VPS13D: variants seen among roughly 807,000 people sequenced by gnomAD.
VPS13D encodes vacuolar protein sorting 13 homolog D, also known as intermembrane lipid transfer protein VPS13D.
In VPS13D, 187 loss-of-function variants were observed where a neutral mutation model predicts 461.9. That is an observed-to-expected ratio of 0.40 (90% CI 0.36 to 0.46). The LOEUF (loss-of-function observed/expected upper bound fraction) is 0.46. Ranked by LOEUF, VPS13D falls within the 20% of genes least tolerant of loss-of-function variation. The probability of loss-of-function intolerance (pLI) is 0.60; values close to 1 mark genes in which losing one functional copy is unlikely to be tolerated. For missense variants in VPS13D, 4,711 were observed against 5,364.9 expected (o/e 0.88, Z 3.81); for synonymous variants, 1,951 against 1,986.3 (o/e 0.98, Z 0.47).
chr1:12,268,767 C>CT lies in VPS13D; in HGVS notation c.1866dup (p.Glu623Ter). 6.2e-7 allele frequency: 1 copy of CT among 1,614,120 alleles called. No homozygotes were observed. Among genetic ancestry groups the CT allele is most frequent in the South Asian group, 1.1e-5 (1 of 91,072 alleles). ...ATGAGAGAAATCCGGCGCACAGCCACTTTGAGAGGCGGCTCAATGTCAGCA... is the reference window on the plus strand; with the variant it reads ...ATGAGAGAAATCCGGCGCACAGCCACTTTTGAGAGGCGGCTCAATGTCAGCA... On this transcript the variant is annotated frameshift_variant, in exon 16 of 70. Coordinates refer to ENST00000620676, the MANE Select transcript of VPS13D (RefSeq NM_015378.4). LOFTEE classifies it high-confidence loss of function.
chr1:12,285,929 CTTCCTTTCCTTTCCTTTCCTTTCCT>C (rs57335089), intron 21 of VPS13D, among the ~76,000 whole-genome samples: 1,132 of 104,252 alleles, frequency 0.011, 25 homozygotes, highest in African/African-American at 0.041. Context: ...GAATTTCTTT[CTTCCTTTCCTTTCCTTTCCTTTCCT>C]TTCCTTTCCT....
In VPS13D at chr1:12,467,787, G is replaced by A. The variant is rs180875545; in HGVS notation, c.12662+7391G>A. Among the ~76,000 whole-genome samples the A allele has an allele frequency of 1.7e-4, 26 of 152,208 alleles. No homozygotes were observed. The East Asian group carries it at 5.0e-3, about 29-fold the overall frequency. On this transcript the variant is annotated intron_variant, in intron 67 of 69. Coordinates refer to ENST00000620676, the MANE Select transcript of VPS13D (RefSeq NM_015378.4). ...CATTTTTATGCAAGATTATCTGTTAGGAAAAAACCCACTTTTTTGGTCATG... is the reference window on the plus strand; with the variant it reads ...CATTTTTATGCAAGATTATCTGTTAAGAAAAAACCCACTTTTTTGGTCATG...
At position 12,262,070 on chromosome 1, in the gene VPS13D, C is replaced by G; in HGVS notation, c.1584C>G (p.Leu528=). 1.2e-6 allele frequency: 2 copies of G among 1,609,604 alleles called. No homozygotes were observed. The highest frequency in any genetic ancestry group is 1.7e-6 in the Non-Finnish European group (2 of 1,176,640). ...PQMNESAFMQ[L]EFSDVKLLAE... ...TGAATGAAAGTGCTTTCATGCAGCT[C>G]GAGTTTTCAGGTACACTGCCCCCAA... is the stretch of plus-strand genomic sequence containing the variant. Residue 528 remains leucine, a synonymous_variant, in exon 13 of 70, where the codon CTC becomes CTG. Coordinates refer to ENST00000620676, the MANE Select transcript of VPS13D (RefSeq NM_015378.4).
intron 65 of VPS13D, among the ~76,000 whole-genome samples, chr1:12,431,131 T>C (rs1473983220): frequency 6.6e-6 from 1 of 152,256 alleles, no homozygotes; most frequent in Non-Finnish European, 1.5e-5. Context: ...GTTTTAATAA[T>C]ATTTCATATG....
Position 12,497,462 on chromosome 1 carries a change from ACTTAAC to A in VPS13D, c.12663-35_12663-30del, listed in dbSNP as rs1233045673. 1.9e-6 allele frequency: 3 copies of A among 1,593,404 alleles called. No homozygotes were observed. The African/African-American group carries it at 4.1e-5, about 22-fold the overall frequency. On this transcript the variant is annotated intron_variant, in intron 67 of 69. Transcript: ENST00000620676. ...AAAGGAAAATCATTTTAACCTGCAC[ACTTAAC>A]CTCTTGGCTTTATGTCCATTTACCC...
Position 12,273,086 on chromosome 1 carries a change from T to C in VPS13D, c.2187T>C (p.Pro729=), listed in dbSNP as rs1270595654. ...CTGATGATTTCAAATTCAAGAATCC[T>C]GTGTTAGTTGTCGTGGATCTAGGAA... ...IFPDDFKFKN[P]VLVVVDLGRM... Residue 729 remains proline, a synonymous_variant, in exon 18 of 70, where the codon CCT becomes CCC. Transcript: ENST00000620676. The C allele has an allele frequency of 2.5e-6, 4 of 1,614,168 alleles. No homozygotes were observed. The highest frequency in any genetic ancestry group is 2.5e-6 in the Non-Finnish European group (3 of 1,179,998).
chr1:12,401,738 A>G (rs1644584219), intron 62 of VPS13D, 34 bp downstream of exon 62: 2 of 1,568,990 alleles, frequency 1.3e-6, no homozygotes. Flanking sequence ...GTGTTTGGGA[A>G]TTGGTCCAAA....
chr1:12,378,700 T>C, intron 56 of VPS13D, 109 bp downstream of exon 56: 2 of 1,202,756 alleles, frequency 1.7e-6, no homozygotes, highest in Non-Finnish European at 2.2e-6. Flanking sequence ...AAATGTATAT[T>C]TTTTTCAATG....
rs1019585141 is a variant in VPS13D at position 12,318,436 on chromosome 1, G to A, written c.7414+99G>A. On this transcript the variant is annotated intron_variant, in intron 31 of 69. Coordinates refer to ENST00000620676, the MANE Select transcript of VPS13D (RefSeq NM_015378.4). ...TGCTCTTTTGCCTCCCATTTTTCAC[G>A]TGAGCACTTACACATTTGCCTCTTT... is the stretch of plus-strand genomic sequence containing the variant. 289 of 1,439,422 alleles carry A rather than the reference G, an allele frequency of 2.0e-4. 1 individual carries two copies. Among genetic ancestry groups the A allele is most frequent in the East Asian group, 1.4e-3 (61 of 43,484 alleles). 89.2% of individuals were successfully genotyped at this position (1,439,422 alleles called of 1,614,324 possible). A position where few individuals can be genotyped will look rare whatever the true frequency, so the allele number is the denominator to read the frequency against.
chr1:12,469,180 T>C (rs1277004638), intron 67 of VPS13D, among the ~76,000 whole-genome samples: 1 of 152,246 alleles, frequency 6.6e-6, no homozygotes, highest in South Asian at 2.1e-4. Flanking sequence ...TTTGTACATA[T>C]GGGTTCTTTT....
At position 12,415,178 on chromosome 1, in the gene VPS13D, C is replaced by T. The variant is rs1472991780; in HGVS notation, c.12122C>T (p.Thr4041Ile). Residue 4041 changes from threonine to isoleucine, a missense_variant, in exon 64 of 70, where the codon ACC (threonine) becomes ATC (isoleucine). By Grantham distance (89) the Thr-to-Ile change is moderately conservative. Coordinates refer to ENST00000620676, the MANE Select transcript of VPS13D (RefSeq NM_015378.4). ...DPFTRVHPYE[T>I]KEFIINDILK... is the part of the protein sequence containing the mutation. The stretch of plus-strand genomic sequence containing the variant: ...TTCACTCGGGTACATCCCTATGAGA[C>T]CAAGGAGTTCATCATCAATGATATC... 1 of 1,614,050 alleles carries T rather than the reference C, an allele frequency of 6.2e-7. No homozygotes were observed. Among genetic ancestry groups the T allele is most frequent in the Admixed American group, 1.7e-5 (1 of 60,012 alleles).
Position 12,509,122 on chromosome 1 carries a change from G to A in VPS13D, c.*98G>A, listed in dbSNP as rs1439422565. On this transcript the variant is annotated 3_prime_UTR_variant, in exon 70 of 70. Coordinates refer to ENST00000620676, the MANE Select transcript of VPS13D (RefSeq NM_015378.4). ...TGACGATGGAGGCAGAACCGGAGTC[G>A]GGTTTGGGGAAGTTGTCAAGGAATG... is the stretch of plus-strand genomic sequence containing the variant. 15 of 1,430,400 alleles carry A rather than the reference G, an allele frequency of 1.0e-5. No individual in the cohort carries two copies. Among genetic ancestry groups the A allele is most frequent in the Non-Finnish European group, 1.2e-5 (13 of 1,079,512 alleles). The allele number at this position is 1,430,400 out of a possible 1,614,324, so 88.6% of individuals were successfully genotyped here.
intron 40 of VPS13D, 100 bp from the exon 41 acceptor site, chr1:12,341,680 T>G: frequency 3.9e-6 from 4 of 1,027,018 alleles, no homozygotes; most frequent in Non-Finnish European, 4.4e-6. Context: ...TTCAGCCCCT[T>G]TGCACAAGAG....
intron 63 of VPS13D, chr1:12,409,865 A>G (rs1157272154): frequency 2.2e-6 from 1 of 456,226 alleles, no homozygotes; most frequent in East Asian, 7.0e-5. Flanking sequence ...GGAGAGTTCA[A>G]GATTTATGAG....
In VPS13D at chr1:12,473,254, G is replaced by A. The variant is rs887791068; in HGVS notation, c.12662+12858G>A. On this transcript the variant is annotated intron_variant, in intron 67 of 69. Coordinates refer to ENST00000620676, the MANE Select transcript of VPS13D (RefSeq NM_015378.4). The surrounding 1 kb of genome is among the most constrained non-coding windows in gnomAD (Gnocchi z 4.2). ...AAGAGGTCTTTCTTCAAAGAGAAGC[G>A]CTTGTTTCAGAAAAAGATGTGGAAA... Among the ~76,000 whole-genome samples the A allele has an allele frequency of 1.3e-5, 2 of 152,194 alleles. No homozygotes were observed. The highest frequency in any genetic ancestry group is 4.8e-5 in the African/African-American group (2 of 41,442).
At chr1:12,309,858 G>A (rs1171653789) in intron 27 of VPS13D, among the ~76,000 whole-genome samples, 1 of 151,822 alleles carries the variant, frequency 6.6e-6, no homozygotes, top group African/African-American at 2.4e-5. Context: ...ACAGTTCTTG[G>A]TTTGGGCAAG....
Position 12,362,939 on chromosome 1 carries a change from T to C in VPS13D, c.10272+89T>C, listed in dbSNP as rs1170986514. 7 of 1,590,714 alleles carry C rather than the reference T, an allele frequency of 4.4e-6. No individual in the cohort carries two copies. The African/African-American group carries it at 9.4e-5, about 21-fold the overall frequency. On this transcript the variant is annotated intron_variant, in intron 51 of 69. Transcript: ENST00000620676. ...TCTGTGAAGACTGTACGTTCTGTGA[T>C]GCAAGTAACTGCTCTGTGCCTTTGG... is the stretch of plus-strand genomic sequence containing the variant.
chr1:12,239,870 C>G (rs1374224756), intron 2 of VPS13D, among the ~76,000 whole-genome samples: 1 of 151,954 alleles, frequency 6.6e-6, no homozygotes, highest in African/African-American at 2.4e-5. Flanking sequence ...AGTGAGTGAC[C>G]CGCATTATCA....
chr1:12,497,611 A>T lies in VPS13D; in HGVS notation c.12774A>T (p.Thr4258=). The T allele has an allele frequency of 6.2e-7, 1 of 1,613,762 alleles. No homozygotes were observed. Among genetic ancestry groups the T allele is most frequent in the Non-Finnish European group, 8.5e-7 (1 of 1,179,922 alleles). The part of the protein sequence containing the change: ...AEGQEQLFKL[T]DNIQDEFFIA... The stretch of plus-strand genomic sequence containing the variant: ...GACAGGAGCAGCTCTTCAAACTCAC[A>T]GACAACATACAGGACGAATTGTAAG... The change falls in exon 68 of 70, where the codon ACA becomes ACT. Residue 4258 remains threonine, a synonymous_variant. Transcript: ENST00000620676.
Sources: allele counts gnomAD v4.1 joint callset (sites outside exome capture counted in the v4.1 genomes callset), GRCh38; gene constraint gnomAD v4.1.1; non-coding constraint Gnocchi (gnomAD v3.1); transcripts MANE v1.5; gene names NCBI Gene and HGNC (gene_info 2026-07-23, HGNC 2026-07-21).